PTPRD: variants seen among roughly 807,000 people sequenced by gnomAD.
PTPRD encodes the protein protein tyrosine phosphatase receptor type D.
In PTPRD, 34 loss-of-function variants were observed where a neutral mutation model predicts 214.5. That is an observed-to-expected ratio of 0.16 (90% CI 0.12 to 0.21). PTPRD has a LOEUF of 0.21. Ranked by LOEUF, PTPRD falls within the 10% of genes least tolerant of loss-of-function variation. The probability of loss-of-function intolerance (pLI) is 1.00; values close to 1 mark genes in which losing one functional copy is unlikely to be tolerated. For missense variants in PTPRD, 2,545 were observed against 2,398.7 expected, an observed-to-expected ratio of 1.06 and a Z score of -1.27; for synonymous variants, 1,128 against 845.7, an observed-to-expected ratio of 1.33 and a Z score of -5.79.
At chr9:8,916,089 C>T (rs1251536143) in intron 11 of PTPRD, among the ~76,000 whole-genome samples, 3 of 152,034 alleles carry the variant, frequency 2.0e-5, no homozygotes, top group Admixed American at 2.0e-4. Flanking sequence ...GAAATTTTAT[C>T]CTGGATTTTC....
At chr9:8,535,924 A>C (rs2076825675) in intron 14 of PTPRD, among the ~76,000 whole-genome samples, 1 of 151,916 alleles carries the variant, frequency 6.6e-6, no homozygotes, top group Admixed American at 6.6e-5. Flanking sequence ...AACAGAATGG[A>C]ATTTAGTCAG....
intron 3 of PTPRD, among the ~76,000 whole-genome samples, chr9:10,243,532 C>A (rs2091521900): frequency 6.6e-6 from 1 of 151,998 alleles, no homozygotes; most frequent in Non-Finnish European, 1.5e-5. Flanking sequence ...GTCCTCTTAA[C>A]TGATTTCCAA....
intron 3 of PTPRD, among the ~76,000 whole-genome samples, chr9:10,338,038 A>G (rs192814597): frequency 2.8e-3 from 420 of 151,794 alleles, no homozygotes; most frequent in African/African-American, 9.6e-3. Flanking sequence ...CAGGTATTAA[A>G]GAGTCATGAA....
intron 8 of PTPRD, among the ~76,000 whole-genome samples, chr9:9,482,883 G>T (rs2095478068): frequency 2.0e-5 from 3 of 152,188 alleles, no homozygotes; most frequent in South Asian, 4.1e-4. Context: ...GTTCTAGTTT[G>T]CAAGGAAGTT....
chr9:9,373,648 T>C (rs1037968729), intron 9 of PTPRD, among the ~76,000 whole-genome samples: 1 of 152,126 alleles, frequency 6.6e-6, no homozygotes, highest in African/African-American at 2.4e-5. Flanking sequence ...CCTTCTGCTC[T>C]TCTCTAATGA....
At chr9:10,600,261 T>TA (rs1322730500) in intron 2 of PTPRD, among the ~76,000 whole-genome samples, 5 of 151,824 alleles carry the variant, frequency 3.3e-5, no homozygotes, top group East Asian at 1.9e-4. Flanking sequence ...ATATAAATAT[T>TA]AAAAAAAGTT....
chr9:9,247,149 T>C (rs189288522), intron 9 of PTPRD, among the ~76,000 whole-genome samples: 1 of 152,104 alleles, frequency 6.6e-6, no homozygotes, highest in African/African-American at 2.4e-5. Context: ...AGAAATTCTT[T>C]GAGCTACTCT....
intron 3 of PTPRD, among the ~76,000 whole-genome samples, chr9:10,278,112 C>A (rs1039520546): frequency 6.6e-6 from 1 of 150,904 alleles, no homozygotes; most frequent in Non-Finnish European, 1.5e-5. Context: ...GCCGAGATAG[C>A]GCCACTGCAC....
intron 9 of PTPRD, among the ~76,000 whole-genome samples, chr9:9,335,299 T>G (rs1412954953): frequency 6.6e-6 from 1 of 152,098 alleles, no homozygotes; most frequent in Non-Finnish European, 1.5e-5. Context: ...CTTCCATAAT[T>G]AGACTCTTTT....
intron 5 of PTPRD, among the ~76,000 whole-genome samples, chr9:9,838,191 C>T (rs1005322345): frequency 8.0e-5 from 12 of 149,544 alleles, no homozygotes; most frequent in Non-Finnish European, 1.5e-4. Flanking sequence ...GGGTTGGTTC[C>T]AAGTCTTTGC....
At chr9:9,399,192 A>C (rs905603793) in intron 8 of PTPRD, among the ~76,000 whole-genome samples, 1 of 152,078 alleles carries the variant, frequency 6.6e-6, no homozygotes, top group Non-Finnish European at 1.5e-5. Context: ...CTGAATAATA[A>C]AATTTTAAGT....
chr9:8,951,869 T>C (rs1036697163), intron 11 of PTPRD, among the ~76,000 whole-genome samples: 1 of 152,032 alleles, frequency 6.6e-6, no homozygotes, highest in African/African-American at 2.4e-5. Context: ...TTTCTCCTGC[T>C]CAAAATTCTC....
intron 5 of PTPRD, among the ~76,000 whole-genome samples, chr9:9,810,491 G>A (rs2046811735): frequency 1.3e-5 from 2 of 151,750 alleles, no homozygotes; most frequent in Admixed American, 1.3e-4. Context: ...TAATAATTAT[G>A]TTAAATCTAC....
intron 2 of PTPRD, among the ~76,000 whole-genome samples, chr9:10,531,819 G>A (rs1191288119): frequency 2.0e-5 from 3 of 152,006 alleles, no homozygotes; most frequent in Non-Finnish European, 4.4e-5. Context: ...ATGTATCAAT[G>A]GTATTCCAAC....
chr9:8,568,487 G>A (rs1056589404), intron 14 of PTPRD, among the ~76,000 whole-genome samples: 2 of 151,998 alleles, frequency 1.3e-5, no homozygotes, highest in Non-Finnish European at 1.5e-5. Flanking sequence ...GAGACATCTG[G>A]GCTAAATGGA....
chr9:9,841,510 TTTAG>T (rs1449592307), intron 5 of PTPRD, among the ~76,000 whole-genome samples: 5 of 152,030 alleles, frequency 3.3e-5, no homozygotes, highest in African/African-American at 7.2e-5. Flanking sequence ...TACAATAAAT[TTTAG>T]TTAGTATTAT....
At chr9:8,576,129 G>C (rs897311695) in intron 14 of PTPRD, among the ~76,000 whole-genome samples, 1 of 152,174 alleles carries the variant, frequency 6.6e-6, no homozygotes, top group Non-Finnish European at 1.5e-5. Flanking sequence ...TGAAGTGTTG[G>C]AAGATTATTG....
At chr9:9,069,312 T>A (rs2099740379) in intron 10 of PTPRD, among the ~76,000 whole-genome samples, 1 of 152,068 alleles carries the variant, frequency 6.6e-6, no homozygotes, top group African/African-American at 2.4e-5. Flanking sequence ...ACAAAAAAAG[T>A]ATAAAGAAGA....
chr9:9,949,107 T>C (rs12347092), intron 4 of PTPRD, among the ~76,000 whole-genome samples: 5,847 of 152,072 alleles, frequency 0.038, 137 homozygotes, highest in Non-Finnish European at 0.056. Context: ...AGTTCAAACA[T>C]AAGGGGAAGA....
Sources: allele counts gnomAD v4.1 joint callset (sites outside exome capture counted in the v4.1 genomes callset), GRCh38; gene constraint gnomAD v4.1.1; transcripts MANE v1.5; gene names NCBI Gene and HGNC (gene_info 2026-07-23, HGNC 2026-07-21).